NKAIN3: variants seen among roughly 807,000 people sequenced by gnomAD.
The protein encoded by NKAIN3 is sodium/potassium transporting ATPase interacting 3.
Under a neutral mutation model 30.2 loss-of-function variants are expected in NKAIN3, and 25 were observed. The observed-to-expected ratio is 0.83, with a 90% CI of 0.60 to 1.16. NKAIN3 has a LOEUF of 1.16. NKAIN3 is among the 50% of genes most tolerant of loss of function. The probability of loss-of-function intolerance (pLI) is 0.00; values close to 1 mark genes in which losing one functional copy is unlikely to be tolerated. For missense variants in NKAIN3, 225 were observed against 254.1 expected (o/e 0.89, Z 0.78); for synonymous variants, 91 against 89.6 (o/e 1.02, Z -0.09).
intron 1 of NKAIN3, among the ~76,000 whole-genome samples, chr8:62,305,288 T>C (rs1814193500): frequency 1.3e-5 from 2 of 150,348 alleles, no homozygotes; most frequent in Admixed American, 1.3e-4. Context: ...ACTTTAAAGC[T>C]CCAATGGTTA....
At chr8:62,516,493 A>G (rs967529957) in intron 1 of NKAIN3, among the ~76,000 whole-genome samples, 4 of 152,086 alleles carry the variant, frequency 2.6e-5, no homozygotes, top group Non-Finnish European at 5.9e-5. Flanking sequence ...AAATAACCTT[A>G]GTTTGTTTTA....
At chr8:62,986,291 GC>G (rs1824196764), downstream of NKAIN3, among the ~76,000 whole-genome samples, 1 of 152,162 alleles carries the variant, frequency 6.6e-6, no homozygotes, top group East Asian at 1.9e-4. Context: ...GGAGATTGAG[GC>G]CCTTTGTTTT....
At chr8:62,517,688 A>G (rs1194779239) in intron 1 of NKAIN3, among the ~76,000 whole-genome samples, 7 of 152,098 alleles carry the variant, frequency 4.6e-5, no homozygotes, top group South Asian at 2.1e-4. Context: ...GGAAAAGCAA[A>G]TCTGCTCACC....
At chr8:62,759,621 A>G (rs1456815520) in intron 4 of NKAIN3, among the ~76,000 whole-genome samples, 2 of 152,170 alleles carry the variant, frequency 1.3e-5, no homozygotes, top group South Asian at 4.1e-4. Flanking sequence ...CAAAGATAAT[A>G]CTCAGATTTT....
At chr8:62,944,716 A>G (rs546522977) in intron 5 of NKAIN3, among the ~76,000 whole-genome samples, 1 of 152,204 alleles carries the variant, frequency 6.6e-6, no homozygotes, top group Non-Finnish European at 1.5e-5. Flanking sequence ...ATTATTGGCC[A>G]TCAACATGAT....
chr8:62,680,977 G>A (rs1274060006), intron 3 of NKAIN3, among the ~76,000 whole-genome samples: 2 of 152,138 alleles, frequency 1.3e-5, no homozygotes, highest in Non-Finnish European at 2.9e-5. Flanking sequence ...TTATGAGACA[G>A]TAGCAACTGA....
chr8:62,828,097 A>T (rs1025321151), intron 4 of NKAIN3, among the ~76,000 whole-genome samples: 5 of 152,278 alleles, frequency 3.3e-5, no homozygotes, highest in African/African-American at 7.2e-5. Flanking sequence ...AAAAAAATTT[A>T]AAAAAACTAT....
At position 62,623,585 on chromosome 8, in the gene NKAIN3, T is replaced by C. The variant is rs145228766; in HGVS notation, c.273+33791T>C. ...GTTTTACTCACTTATCCTCTGATGC[T>C]CTTCTTTTCTTACGTAGGTACAAAT... On this transcript the variant is annotated intron_variant, in intron 3 of 6. Coordinates refer to ENST00000623646, the MANE Select transcript of NKAIN3 (RefSeq NM_001304533.3). Among the ~76,000 whole-genome samples the C allele has an allele frequency of 8.4e-4, 128 of 152,216 alleles. 1 individual carries two copies. Among genetic ancestry groups the C allele is most frequent in the African/African-American group, 2.7e-3 (114 of 41,572 alleles).
chr8:62,432,099 T>A (rs1805020443), intron 1 of NKAIN3, among the ~76,000 whole-genome samples: 1 of 151,840 alleles, frequency 6.6e-6, no homozygotes, highest in African/African-American at 2.4e-5. Flanking sequence ...AATCTCTCAA[T>A]TTGCTTCTCC....
At chr8:62,444,758 A>AT (rs1206231048) in intron 1 of NKAIN3, among the ~76,000 whole-genome samples, 1 of 152,036 alleles carries the variant, frequency 6.6e-6, no homozygotes, top group African/African-American at 2.4e-5. Context: ...TGATAGTTCT[A>AT]TTTTCAGTTT....
intron 3 of NKAIN3, among the ~76,000 whole-genome samples, chr8:62,701,514 G>T (rs190907927): frequency 7.9e-4 from 120 of 152,270 alleles, no homozygotes; most frequent in Admixed American, 1.4e-3. Context: ...AAGTATCCTC[G>T]CAGGCCAGTG....
intron 1 of NKAIN3, among the ~76,000 whole-genome samples, chr8:62,444,863 G>A (rs7813585): frequency 0.038 from 5,730 of 152,162 alleles, 353 homozygotes; most frequent in African/African-American, 0.13. Flanking sequence ...ATTCTTACCA[G>A]CATCCATTAT....
At chr8:62,857,020 C>A in intron 4 of NKAIN3, 1 of 516,598 alleles carries the variant, frequency 1.9e-6, no homozygotes, top group South Asian at 1.5e-5. Flanking sequence ...CTTCAAGGTT[C>A]TCTTCTTGTT....
chr8:62,498,231 CA>C (rs985307446), intron 1 of NKAIN3, among the ~76,000 whole-genome samples: 22 of 152,202 alleles, frequency 1.4e-4, no homozygotes, highest in African/African-American at 5.3e-4. Flanking sequence ...ACTTGTTGAG[CA>C]GGGAAGAATT....
At chr8:62,571,292 T>G (rs1207868169) in intron 1 of NKAIN3, among the ~76,000 whole-genome samples, 1 of 152,134 alleles carries the variant, frequency 6.6e-6, no homozygotes, top group Admixed American at 6.5e-5. Flanking sequence ...AGAGCCACCA[T>G]GCCTGGCTAA....
intron 4 of NKAIN3, among the ~76,000 whole-genome samples, chr8:62,816,030 A>G (rs1057355394): frequency 2.0e-5 from 3 of 152,122 alleles, no homozygotes; most frequent in African/African-American, 7.2e-5. Context: ...CAGGAATTTC[A>G]TAGATTTCCT....
At chr8:62,731,135 T>C (rs1586138673) in intron 3 of NKAIN3, among the ~76,000 whole-genome samples, 1 of 151,912 alleles carries the variant, frequency 6.6e-6, no homozygotes, top group Admixed American at 6.6e-5. Context: ...GACCTGGCGC[T>C]TTTTAGTGAG....
At chr8:62,494,026 G>T (rs559185784) in intron 1 of NKAIN3, among the ~76,000 whole-genome samples, 10 of 152,074 alleles carry the variant, frequency 6.6e-5, no homozygotes, top group African/African-American at 2.2e-4. Context: ...TCTTTCTCTT[G>T]CCTGATTGCT....
At chr8:62,870,419 T>C (rs1019311801) in intron 4 of NKAIN3, among the ~76,000 whole-genome samples, 3 of 137,118 alleles carry the variant, frequency 2.2e-5, no homozygotes, top group Non-Finnish European at 3.0e-5. Flanking sequence ...ATACAATATA[T>C]GTACATATAT....
Sources: gnomAD v4.1 joint callset for allele counts (sites outside exome capture counted in the v4.1 genomes callset) on GRCh38, gnomAD v4.1.1 for gene constraint, MANE v1.5 for transcripts, NCBI Gene and HGNC (gene_info 2026-07-23, HGNC 2026-07-21) for gene names.